Variants in SIDT1 observed in about 807,000 individuals in gnomAD.
SIDT1 encodes SID1 transmembrane family member 1, also known as SID1 transmembrane family, member 1.
SIDT1 carries 101 observed loss-of-function variants against 107.5 expected under a neutral mutation model. That is an observed-to-expected ratio of 0.94 (90% confidence interval 0.80 to 1.11). SIDT1 has a LOEUF of 1.11. Among genes scored for constraint, SIDT1 ranks in the 50% least tolerant of loss-of-function variants. The pLI, the probability that SIDT1 is intolerant of heterozygous loss-of-function variation, is 0.00. For synonymous variants in SIDT1, 395 were observed against 398.2 expected (o/e 0.99, Z 0.10); for missense variants, 1,076 against 1,058.2 (o/e 1.02, Z -0.23).
intron 6 of SIDT1, among the ~76,000 whole-genome samples, chr3:113,582,945 A>C (rs1399495428): frequency 1.3e-5 from 2 of 152,162 alleles, no homozygotes; most frequent in African/African-American, 2.4e-5. Context: ...GCACATAGAG[A>C]AACATACTTA....
At chr3:113,535,769 T>C (rs2107556711) in intron 1 of SIDT1, among the ~76,000 whole-genome samples, 1 of 152,334 alleles carries the variant, frequency 6.6e-6, no homozygotes, top group African/African-American at 2.4e-5. Flanking sequence ...GGACCAATCT[T>C]TAATATGCAA....
Position 113,566,477 on chromosome 3 carries a change from C to T in SIDT1, c.280C>T (p.Leu94Phe), listed in dbSNP as rs768768207. ...SSSENLNYPVLVVVRQQKEVL... is the reference protein window; with the variant it reads ...SSSENLNYPVFVVVRQQKEVL... ...CTCTGAGAATCTCAACTACCCGGTC[C>T]TTGTTGTGGTTCGCCAGCAGAAAGA... is the stretch of plus-strand genomic sequence containing the variant. The change falls in exon 2 of 25, where the codon CTT becomes TTT. Residue 94 changes from leucine (L) to phenylalanine (F), a missense_variant. Transcript: ENST00000264852. 1.2e-6 allele frequency: 2 copies of T among 1,614,102 alleles called. No individual in the cohort carries two copies. The highest frequency in any genetic ancestry group is 1.7e-6 in the Non-Finnish European group (2 of 1,180,004).
In SIDT1 at chr3:113,566,487, T is replaced by C. The variant is rs142442074; in HGVS notation, c.290T>C (p.Val97Ala). 1 of 1,614,192 alleles carries C rather than the reference T, an allele frequency of 6.2e-7. No individual in the cohort carries two copies. Among genetic ancestry groups the C allele is most frequent in the South Asian group, 1.1e-5 (1 of 91,088 alleles). Residue 97 changes from valine (V) to alanine (A), a missense_variant, in exon 2 of 25, where the codon GTT becomes GCT. Val to Ala is a moderately conservative substitution (Grantham distance 64, BLOSUM62 0). Transcript: ENST00000264852. ...ENLNYPVLVV[V>A]RQQKEVLSWQ... ...CTCAACTACCCGGTCCTTGTTGTGG[T>C]TCGCCAGCAGAAAGAGGTGCTGTCC...
chr3:113,562,961 A>G (rs1941565300), intron 1 of SIDT1, among the ~76,000 whole-genome samples: 1 of 152,218 alleles, frequency 6.6e-6, no homozygotes, highest in Admixed American at 6.5e-5. Flanking sequence ...ATATAGAGGT[A>G]ATCAGAGGCC....
chr3:113,609,303 C>T (rs1054958663), intron 17 of SIDT1, among the ~76,000 whole-genome samples: 5 of 151,890 alleles, frequency 3.3e-5, no homozygotes, highest in African/African-American at 4.8e-5. Context: ...TAACCTCAGG[C>T]GATCCTCCTG....
At chr3:113,606,104 A>C (rs898308662) in intron 14 of SIDT1, among the ~76,000 whole-genome samples, 4 of 151,958 alleles carry the variant, frequency 2.6e-5, no homozygotes, top group African/African-American at 9.7e-5. Flanking sequence ...AGCATTTTTT[A>C]AGCAAAAATA....
chr3:113,563,091 TG>T (rs1941578747), intron 1 of SIDT1, among the ~76,000 whole-genome samples: 1 of 152,174 alleles, frequency 6.6e-6, no homozygotes, highest in South Asian at 2.1e-4. Context: ...CAGTCAACAC[TG>T]GGGACATAAC....
chr3:113,567,023 A>G (rs1447245444), intron 2 of SIDT1, among the ~76,000 whole-genome samples: 1 of 152,164 alleles, frequency 6.6e-6, no homozygotes, highest in East Asian at 1.9e-4. Context: ...TTCAGGGGAG[A>G]AGTGTATAAG....
chr3:113,589,085 T>C (rs1943953892), intron 9 of SIDT1, among the ~76,000 whole-genome samples: 1 of 152,234 alleles, frequency 6.6e-6, no homozygotes, highest in African/African-American at 2.4e-5. Flanking sequence ...CTCTTGAAGA[T>C]GCAGATTCGG....
chr3:113,580,784 G>A, intron 5 of SIDT1, 75 bp downstream of exon 5: 1 of 942,610 alleles, frequency 1.1e-6, no homozygotes, highest in South Asian at 1.3e-5. Flanking sequence ...GAGAAGGGTG[G>A]AAGCATGCCA....
intron 1 of SIDT1, 122 bp downstream of exon 1, chr3:113,533,365 C>T: frequency 4.0e-6 from 3 of 741,264 alleles, no homozygotes; most frequent in Non-Finnish European, 5.9e-6. Flanking sequence ...GACTTTCTTT[C>T]CCTTTCTCCT....
chr3:113,583,558 A>G, intron 7 of SIDT1, 62 bp downstream of exon 7: 1 of 1,280,262 alleles, frequency 7.8e-7, no homozygotes, highest in African/African-American at 1.4e-5. Flanking sequence ...AGTGAAAGGG[A>G]AGCTGAAACC....
intron 7 of SIDT1, among the ~76,000 whole-genome samples, chr3:113,584,452 A>T (rs1367047620): frequency 1.3e-5 from 2 of 152,198 alleles, no homozygotes; most frequent in Non-Finnish European, 2.9e-5. Flanking sequence ...TGCATCTGTT[A>T]GTGGTACCAA....
chr3:113,577,075 A>G, intron 4 of SIDT1, 108 bp downstream of exon 4: 3 of 997,782 alleles, frequency 3.0e-6, no homozygotes, highest in Non-Finnish European at 4.8e-6. Context: ...GTTGCCCTTG[A>G]CCTTTCACAA....
intron 1 of SIDT1, among the ~76,000 whole-genome samples, chr3:113,547,966 C>A (rs1402151731): frequency 6.6e-6 from 1 of 151,962 alleles, no homozygotes; most frequent in African/African-American, 2.4e-5. Context: ...AAAATGGTGG[C>A]AAAATTAAAG....
At chr3:113,567,912 G>C (rs537023234) in intron 3 of SIDT1, 2 of 500,974 alleles carry the variant, frequency 4.0e-6, no homozygotes, top group Non-Finnish European at 6.9e-6. Context: ...GAAGGTAAGA[G>C]TGGTTGACCT....
intron 1 of SIDT1, among the ~76,000 whole-genome samples, chr3:113,561,156 C>T (rs954232298): frequency 1.3e-5 from 2 of 152,190 alleles, no homozygotes; most frequent in African/African-American, 4.8e-5. Context: ...TGCCTTTACA[C>T]AGCTTTCTTC....
At chr3:113,623,589 T>A in intron 22 of SIDT1, 34 bp from the exon 23 acceptor site, 7 of 1,601,428 alleles carry the variant, frequency 4.4e-6, no homozygotes, top group Non-Finnish European at 6.0e-6. Context: ...GAAGGCGGGG[T>A]CGCGTGAGGC....
At chr3:113,615,561 C>T (rs1229259578) in intron 19 of SIDT1, among the ~76,000 whole-genome samples, 3 of 152,178 alleles carry the variant, frequency 2.0e-5, no homozygotes, top group Non-Finnish European at 2.9e-5. Context: ...CTTAACTTAC[C>T]TTCACTTGAT....
Sources: gnomAD v4.1 joint callset for allele counts (sites outside exome capture counted in the v4.1 genomes callset) on GRCh38, gnomAD v4.1.1 for gene constraint, MANE v1.5 for transcripts, NCBI Gene and HGNC (gene_info 2026-07-23, HGNC 2026-07-21) for gene names.